MAPK6: variants seen among roughly 807,000 people sequenced by gnomAD.
The protein encoded by MAPK6 is ERK-3.
In MAPK6, 19 loss-of-function variants were observed where a neutral mutation model predicts 59.3. That is an observed-to-expected ratio of 0.32 (90% CI 0.22 to 0.47). The LOEUF is 0.47. MAPK6 is among the 20% of genes least tolerant of loss of function. The pLI is 1.00. For missense variants in MAPK6, 724 were observed against 847.9 expected (o/e 0.85, Z 1.81); for synonymous variants, 316 against 290.3 (o/e 1.09, Z -0.90).
chr15:52,055,554 C>T (rs187546564), intron 3 of MAPK6, among the ~76,000 whole-genome samples: 20 of 152,254 alleles, frequency 1.3e-4, no homozygotes, highest in Non-Finnish European at 2.2e-4. Context: ...CTCGCTCTGT[C>T]GCCTAGGCTG....
chr15:52,024,039 T>A (rs2030654319), intron 1 of MAPK6, among the ~76,000 whole-genome samples: 1 of 152,230 alleles, frequency 6.6e-6, no homozygotes, highest in Non-Finnish European at 1.5e-5. Context: ...AAATTTGGTA[T>A]TTTTTTCACA....
chr15:52,053,017 T>C (rs902186282), intron 3 of MAPK6, among the ~76,000 whole-genome samples: 3 of 152,254 alleles, frequency 2.0e-5, no homozygotes, highest in Non-Finnish European at 2.9e-5. Flanking sequence ...GAGTTAAATT[T>C]TGTCTTTTTG....
At chr15:51,989,028 G>A (rs1359013662) in intron 2 of MAPK6, among the ~76,000 whole-genome samples, 3 of 151,314 alleles carry the variant, frequency 2.0e-5, no homozygotes. Flanking sequence ...TGTAATTCCA[G>A]TTAGGGCCCA....
At chr15:52,044,260 T>G (rs74013654) in intron 1 of MAPK6, among the ~76,000 whole-genome samples, 8,380 of 152,072 alleles carry the variant, frequency 0.055, 444 homozygotes, top group African/African-American at 0.13. Context: ...TACAGTAAAA[T>G]AAAGCTATTA....
rs112905810 is a variant in MAPK6 at position 52,045,924 on chromosome 15, C to T, written c.-537C>T. On this transcript the variant is annotated 5_prime_UTR_variant, in exon 2 of 6. Transcript: ENST00000261845. ...ACAAAAGACATCTTCTGTTAACCAA[C>T]AGCCGCCAGGGCTTCCTGTTGAAAT... 1 of 153,040 alleles carries T rather than the reference C, an allele frequency of 6.5e-6. No homozygotes were observed. The highest frequency in any genetic ancestry group is 2.4e-5 in the African/African-American group (1 of 41,436). 9.5% of individuals were successfully genotyped at this position (153,040 alleles called of 1,614,324 possible).
At chr15:52,030,445 G>C (rs2030983494) in intron 1 of MAPK6, among the ~76,000 whole-genome samples, 1 of 151,944 alleles carries the variant, frequency 6.6e-6, no homozygotes, top group South Asian at 2.1e-4. Flanking sequence ...CATAATAATT[G>C]CATTGTACCC....
upstream of MAPK6, among the ~76,000 whole-genome samples, chr15:52,016,111 C>CACA (rs2030260042): frequency 1.5e-5 from 2 of 132,508 alleles, no homozygotes; most frequent in South Asian, 2.6e-4. Context: ...CACACACAAA[C>CACA]TAAAACTGGC....
At chr15:51,998,704 T>TTTTTTTTTTTTTTTTTTTTTTG (rs2057233440) in intron 2 of MAPK6, among the ~76,000 whole-genome samples, 1 of 97,376 alleles carries the variant, frequency 1.0e-5, no homozygotes, top group Admixed American at 1.2e-4. Context: ...TTTTTTTTTT[T>TTTTTTTTTTTTTTTTTTTTTTG]TTTTGAGACG....
intron 2 of MAPK6, among the ~76,000 whole-genome samples, chr15:52,048,934 T>C (rs947083638): frequency 1.6e-5 from 2 of 128,576 alleles, no homozygotes; most frequent in East Asian, 4.9e-4. Flanking sequence ...CACAGTGAAG[T>C]ATTGTGGATA....
intron 3 of MAPK6, among the ~76,000 whole-genome samples, chr15:52,013,399 A>T (rs1174705067): frequency 1.3e-5 from 2 of 151,978 alleles, no homozygotes; most frequent in African/African-American, 4.8e-5. Flanking sequence ...GTATTGCGAA[A>T]CTCTATTTTC....
intron 2 of MAPK6, among the ~76,000 whole-genome samples, 196 bp from the exon 3 acceptor site, chr15:52,049,797 A>G (rs1489982442): frequency 2.0e-5 from 3 of 151,868 alleles, no homozygotes; most frequent in Non-Finnish European, 4.4e-5. Flanking sequence ...TATTTTTAGT[A>G]GAGATGGGGT....
intron 5 of MAPK6, among the ~76,000 whole-genome samples, chr15:52,063,105 G>A (rs1237777854): frequency 6.6e-6 from 1 of 152,040 alleles, no homozygotes; most frequent in African/African-American, 2.4e-5. Flanking sequence ...GTCTCACTCT[G>A]TTGCCAGGCT....
chr15:51,983,376 G>C (rs909531900), intron 2 of MAPK6, among the ~76,000 whole-genome samples: 1 of 152,072 alleles, frequency 6.6e-6, no homozygotes. Context: ...GCTACTCAGA[G>C]GCTGAGGCAG....
intron 1 of MAPK6, among the ~76,000 whole-genome samples, chr15:52,038,523 T>C (rs989053230): frequency 2.6e-5 from 4 of 152,230 alleles, no homozygotes; most frequent in East Asian, 3.8e-4. Flanking sequence ...GCAGCTTGGC[T>C]GACAGCTACG....
chr15:52,041,159 T>C (rs897346444), intron 1 of MAPK6, among the ~76,000 whole-genome samples: 2 of 152,146 alleles, frequency 1.3e-5, no homozygotes, highest in African/African-American at 4.8e-5. Context: ...GCCCCAGTTT[T>C]TTCCTGGGTC....
chr15:52,001,896 A>G (rs894065461), intron 2 of MAPK6, among the ~76,000 whole-genome samples: 9 of 152,172 alleles, frequency 5.9e-5, no homozygotes, highest in Non-Finnish European at 5.9e-5. Context: ...TTTGGGGGGC[A>G]TCAACCCAGA....
intron 2 of MAPK6, among the ~76,000 whole-genome samples, chr15:52,001,578 G>A (rs911504921): frequency 2.1e-5 from 3 of 142,928 alleles, no homozygotes; most frequent in East Asian, 2.0e-4. Flanking sequence ...GTACAATCTC[G>A]GCTCACTGCA....
At chr15:52,051,343 CA>C (rs2031772481) in intron 3 of MAPK6, among the ~76,000 whole-genome samples, 2 of 152,056 alleles carry the variant, frequency 1.3e-5, no homozygotes, top group Non-Finnish European at 2.9e-5. Context: ...AGGCGTGAGC[CA>C]CCCCACCAGG....
intron 1 of MAPK6, among the ~76,000 whole-genome samples, chr15:52,022,328 A>G (rs2030567382): frequency 6.6e-6 from 1 of 152,134 alleles, no homozygotes; most frequent in Non-Finnish European, 1.5e-5. Context: ...TGGTGCGATC[A>G]CTGTTCACTG....
Sources: gnomAD v4.1 joint callset for allele counts (sites outside exome capture counted in the v4.1 genomes callset) on GRCh38, gnomAD v4.1.1 for gene constraint, MANE v1.5 for transcripts, NCBI Gene and HGNC (gene_info 2026-07-23, HGNC 2026-07-21) for gene names.